Variants in SYNPR observed in about 807,000 individuals in gnomAD.
SYNPR encodes the protein synaptoporin.
A neutral mutation model predicts 32.9 loss-of-function variants in SYNPR; 23 were observed. The ratio of observed to expected loss-of-function variants is 0.70; its 90% CI spans 0.50 to 0.99. The LOEUF (loss-of-function observed/expected upper bound fraction) is 0.99, where lower values mean the gene tolerates loss of function less well. Among genes scored for constraint, SYNPR ranks in the 50% least tolerant of loss-of-function variants. The pLI is 0.00. For synonymous variants in SYNPR, 146 were observed against 135.9 expected, an observed-to-expected ratio of 1.07 and a Z score of -0.52; for missense variants, 318 against 349.3, an observed-to-expected ratio of 0.91 and a Z score of 0.71.
At chr3:63,238,277 A>C (rs899402009) in intron 1 of SYNPR, among the ~76,000 whole-genome samples, 3 of 151,760 alleles carry the variant, frequency 2.0e-5, no homozygotes, top group Admixed American at 6.6e-5. Context: ...ACTCTTTGTC[A>C]TTTTATCCTG....
intron 5 of SYNPR, among the ~76,000 whole-genome samples, chr3:63,611,101 G>T (rs1209333238): frequency 1.3e-5 from 2 of 152,124 alleles, no homozygotes; most frequent in Non-Finnish European, 2.9e-5. Flanking sequence ...TGGTACCAAT[G>T]TTTGTATGCA....
intron 2 of SYNPR, among the ~76,000 whole-genome samples, chr3:63,359,669 G>C (rs2087630992): frequency 6.6e-6 from 1 of 152,174 alleles, no homozygotes; most frequent in African/African-American, 2.4e-5. Context: ...GCAGGCAGCA[G>C]CTCTGTAGTA....
chr3:63,357,176 T>A (rs907681601), intron 2 of SYNPR, among the ~76,000 whole-genome samples: 129 of 152,340 alleles, frequency 8.5e-4, no homozygotes, highest in African/African-American at 3.0e-3. Context: ...GCCCATTTGC[T>A]ATCCCTGTTC....
chr3:63,244,201 C>A (rs547909243), intron 1 of SYNPR, among the ~76,000 whole-genome samples: 1 of 152,118 alleles, frequency 6.6e-6, no homozygotes, highest in African/African-American at 2.4e-5. Context: ...GAGGTAGAGA[C>A]CAACCTGAAG....
intron 4 of SYNPR, among the ~76,000 whole-genome samples, chr3:63,603,047 A>G (rs115920958): frequency 0.064 from 9,713 of 152,092 alleles, 913 homozygotes; most frequent in African/African-American, 0.2. Context: ...TTCTCATTGT[A>G]GAGATTTTTC....
chr3:63,264,165 C>T (rs997715341), intron 2 of SYNPR, among the ~76,000 whole-genome samples: 1 of 152,070 alleles, frequency 6.6e-6, no homozygotes, highest in Non-Finnish European at 1.5e-5. Context: ...CCACATAGTT[C>T]AGAATGTATA....
chr3:63,337,394 G>A (rs2087309076), intron 2 of SYNPR, among the ~76,000 whole-genome samples: 1 of 152,038 alleles, frequency 6.6e-6, no homozygotes, highest in African/African-American at 2.4e-5. Context: ...GAGTAACAGG[G>A]ACTCTTCATT....
chr3:63,273,002 CA>C (rs1222926284), intron 3 of SYNPR, among the ~76,000 whole-genome samples: 1 of 152,044 alleles, frequency 6.6e-6, no homozygotes, highest in Non-Finnish European at 1.5e-5. Flanking sequence ...AAATGATGAG[CA>C]TTTTGGAAAT....
At chr3:63,429,004 G>A (rs899240637) in intron 2 of SYNPR, among the ~76,000 whole-genome samples, 1 of 152,178 alleles carries the variant, frequency 6.6e-6, no homozygotes, top group Non-Finnish European at 1.5e-5. Flanking sequence ...GGGTCATTTT[G>A]TTCAATCAAT....
intron 3 of SYNPR, among the ~76,000 whole-genome samples, chr3:63,524,957 A>T (rs2887099): frequency 7.3e-5 from 11 of 151,258 alleles, no homozygotes; most frequent in African/African-American, 2.2e-4. Flanking sequence ...AGGTAACTTT[A>T]GGGTCTTTGA....
At chr3:63,285,713 A>G (rs1004495532) in intron 2 of SYNPR, among the ~76,000 whole-genome samples, 2 of 152,186 alleles carry the variant, frequency 1.3e-5, no homozygotes, top group African/African-American at 4.8e-5. Flanking sequence ...AGGGTCAGGA[A>G]TGCTTCTTAT....
chr3:63,565,507 AG>A (rs1240847182), intron 4 of SYNPR, among the ~76,000 whole-genome samples: 1 of 152,194 alleles, frequency 6.6e-6, no homozygotes, highest in Admixed American at 6.5e-5. Flanking sequence ...ACATGTGGGA[AG>A]CCTCTTTTAA....
At chr3:63,429,959 C>T (rs189694460) in intron 2 of SYNPR, among the ~76,000 whole-genome samples, 1 of 152,316 alleles carries the variant, frequency 6.6e-6, no homozygotes, top group Admixed American at 6.5e-5. Context: ...AGGAATTAGG[C>T]TCTAGGTAAG....
intron 1 of SYNPR, among the ~76,000 whole-genome samples, chr3:63,248,641 G>T (rs1351878119): frequency 6.6e-6 from 1 of 152,086 alleles, no homozygotes; most frequent in East Asian, 1.9e-4. Flanking sequence ...TCTCTTTGTG[G>T]AGTTCTATCG....
intron 2 of SYNPR, among the ~76,000 whole-genome samples, chr3:63,308,013 G>C (rs1053970263): frequency 6.6e-6 from 1 of 151,942 alleles, no homozygotes; most frequent in Non-Finnish European, 1.5e-5. Flanking sequence ...AAAGAGAAAA[G>C]GAAGATAATC....
chr3:63,340,842 T>C (rs2087360353), intron 2 of SYNPR, among the ~76,000 whole-genome samples: 1 of 152,248 alleles, frequency 6.6e-6, no homozygotes, highest in African/African-American at 2.4e-5. Context: ...ATTAGTGTGC[T>C]ACATTTAGTG....
intron 2 of SYNPR, among the ~76,000 whole-genome samples, chr3:63,454,997 G>A (rs910669583): frequency 1.3e-5 from 2 of 152,074 alleles, no homozygotes; most frequent in African/African-American, 4.8e-5. Flanking sequence ...CTTTACTTAA[G>A]TTTTAGAATG....
At chr3:63,515,220 T>A (rs1214007900) in intron 3 of SYNPR, among the ~76,000 whole-genome samples, 3 of 152,104 alleles carry the variant, frequency 2.0e-5, no homozygotes, top group African/African-American at 7.2e-5. Flanking sequence ...GAGCTTATGA[T>A]ATATCAGACT....
chr3:63,463,192 T>C (rs1309723280), intron 2 of SYNPR, among the ~76,000 whole-genome samples: 1 of 152,186 alleles, frequency 6.6e-6, no homozygotes, highest in Non-Finnish European at 1.5e-5. Context: ...GTCACTTTAC[T>C]GTGGAACATT....
Sources: gnomAD v4.1 joint callset for allele counts (sites outside exome capture counted in the v4.1 genomes callset) on GRCh38, gnomAD v4.1.1 for gene constraint, MANE v1.5 for transcripts, NCBI Gene and HGNC (gene_info 2026-07-23, HGNC 2026-07-21) for gene names.